The following OSGIN1 variants were observed in gnomAD, a reference collection of about 807,000 sequenced individuals.
OSGIN1 encodes oxidative stress-induced growth inhibitor 1.
A neutral mutation model predicts 20.1 loss-of-function variants in OSGIN1; 19 were observed. That is an observed-to-expected ratio of 0.95 (90% CI 0.66 to 1.39). OSGIN1 has a LOEUF of 1.39. Among genes scored for constraint, OSGIN1 ranks in the 40% most tolerant of loss-of-function variants. The probability of loss-of-function intolerance (pLI) is 0.00; values close to 1 mark genes in which losing one functional copy is unlikely to be tolerated. For missense variants in OSGIN1, 820 were observed against 653.0 expected (o/e 1.26, Z -2.79); for synonymous variants, 368 against 297.8 (o/e 1.24, Z -2.43).
chr16:83,956,062 C>T (rs763407144), intron 1 of OSGIN1, among the ~76,000 whole-genome samples: 10 of 152,218 alleles, frequency 6.6e-5, no homozygotes, highest in Non-Finnish European at 1.3e-4. Flanking sequence ...TGACAGGGCT[C>T]ACCTCTCAAG....
intron 1 of OSGIN1, 86 bp from the exon 2 acceptor site, chr16:83,957,554 G>A (rs1908990704): frequency 2.7e-6 from 2 of 734,026 alleles, no homozygotes; most frequent in African/African-American, 1.8e-5. Context: ...GCCACAGGAG[G>A]CCACCCTAGC....
chr16:83,963,478 C>T (rs2084239782), intron 5 of OSGIN1, among the ~76,000 whole-genome samples: 2 of 152,140 alleles, frequency 1.3e-5, no homozygotes, highest in African/African-American at 2.4e-5. Flanking sequence ...TGCCTCATGG[C>T]ACTGCCAAGG....
At chr16:83,958,733 C>T (rs981903539) in intron 2 of OSGIN1, among the ~76,000 whole-genome samples, 1 of 152,228 alleles carries the variant, frequency 6.6e-6, no homozygotes, top group Non-Finnish European at 1.5e-5. Context: ...GCAGACCCAA[C>T]AGGCGGCTCA....
chr16:83,959,199 C>T (rs1597178950), intron 2 of OSGIN1, 61 bp from the exon 3 acceptor site: 1 of 1,239,696 alleles, frequency 8.1e-7, no homozygotes, highest in East Asian at 2.3e-5. Flanking sequence ...TCAAAGCCCT[C>T]CACAGTAGTG....
rs778309063 is a variant in OSGIN1, at chr16:83,965,291, C to T, written c.718C>T (p.Arg240Cys). The T allele has an allele frequency of 8.7e-6, 14 of 1,600,850 alleles. No individual in the cohort carries two copies. Among genetic ancestry groups the T allele is most frequent in the South Asian group, 3.3e-5 (3 of 90,052 alleles). Residue 240 changes from arginine (R) to cysteine (C), a missense_variant, in exon 6 of 6, where the codon CGC becomes TGC. Arg to Cys is a radical substitution (Grantham distance 180). Transcript: ENST00000393306. ...QAQQPFSLWA[R>C]NVVLATGTFD... is the part of the protein sequence containing the mutation. ...CCAGCAGCCCTTCTCGCTGTGGGCC[C>T]GCAACGTGGTCCTCGCCACAGGCAC...
At chr16:83,964,999 T>TGCCCCCCCCC in intron 5 of OSGIN1, 63 bp from the exon 6 acceptor site, 6 of 645,888 alleles carry the variant, frequency 9.3e-6, no homozygotes, top group East Asian at 3.3e-5. Context: ...ACATCTCCCG[T>TGCCCCCCCCC]CCCACCCAGC....
At chr16:83,958,163 C>T (rs1051444624) in intron 2 of OSGIN1, among the ~76,000 whole-genome samples, 4 of 152,208 alleles carry the variant, frequency 2.6e-5, no homozygotes, top group African/African-American at 9.7e-5. Context: ...AGGTGTGAAC[C>T]ACCATGCCTG....
intron 3 of OSGIN1, among the ~76,000 whole-genome samples, chr16:83,959,953 C>A (rs1421052625): frequency 1.3e-5 from 2 of 152,180 alleles, no homozygotes; most frequent in African/African-American, 4.8e-5. Flanking sequence ...ATCCTCCCTC[C>A]GTACCCCTTG....
At position 83,955,630 on chromosome 16, in the gene OSGIN1, T is replaced by A. The variant is rs187578954; in HGVS notation, c.-32-2010T>A. ...TAACGTGTATTAAGTGTTGAGATCA[T>A]GCCTGGCACCCAGCCCACTCCACAG... On this transcript the variant is annotated intron_variant, in intron 1 of 5. Coordinates refer to ENST00000393306, the MANE Select transcript of OSGIN1 (RefSeq NM_182981.3). 2.3e-3 allele frequency among the ~76,000 whole-genome samples: 345 copies of A among 152,350 alleles called. 3 individuals carry two copies. Among genetic ancestry groups the A allele is most frequent in the African/African-American group, 8.1e-3 (338 of 41,578 alleles).
At chr16:83,960,476 G>T in intron 3 of OSGIN1, 93 bp from the exon 4 acceptor site, 2 of 981,036 alleles carry the variant, frequency 2.0e-6, no homozygotes, top group Non-Finnish European at 3.1e-6. Context: ...GAAATGGCCC[G>T]GCCCCAGTCC....
At chr16:83,957,310 G>C (rs1224302073) in intron 1 of OSGIN1, among the ~76,000 whole-genome samples, 3 of 152,132 alleles carry the variant, frequency 2.0e-5, no homozygotes, top group Non-Finnish European at 4.4e-5. Context: ...GGCCTCTCGG[G>C]AAGACAGATA....
rs144447660 is a variant in OSGIN1 at position 83,965,626 on chromosome 16, G to T, written c.1053G>T (p.Ser351=). 1 of 1,613,140 alleles carries T rather than the reference G, an allele frequency of 6.2e-7. No individual in the cohort carries two copies. Among genetic ancestry groups the T allele is most frequent in the African/African-American group, 1.3e-5 (1 of 75,038 alleles). ...HQMMREQSIL[S]PSPYEGYRSL... Reference sequence around the variant, plus strand: ...TGATGCGGGAGCAGTCCATCCTGTCGCCCAGCCCCTATGAGGGTTACCGCA... The same window carrying T: ...TGATGCGGGAGCAGTCCATCCTGTCTCCCAGCCCCTATGAGGGTTACCGCA... Residue 351 remains serine (S), a synonymous_variant, in exon 6 of 6, where the codon TCG becomes TCT. Coordinates refer to ENST00000393306, the MANE Select transcript of OSGIN1 (RefSeq NM_182981.3).
chr16:83,957,206 G>T, intron 1 of OSGIN1: 1 of 165,994 alleles, frequency 6.0e-6, no homozygotes, highest in Non-Finnish European at 1.3e-5. Flanking sequence ...AACGTGCCAG[G>T]GCTGGATGAC....
chr16:83,958,096 C>T (rs864810), intron 2 of OSGIN1, among the ~76,000 whole-genome samples: 10,339 of 152,200 alleles, frequency 0.068, 397 homozygotes, highest in South Asian at 0.13. Context: ...AGGCTGGTCT[C>T]GAACTCCTGA....
intron 1 of OSGIN1, among the ~76,000 whole-genome samples, chr16:83,956,515 G>A (rs1908938718): frequency 6.6e-6 from 1 of 152,136 alleles, no homozygotes; most frequent in Non-Finnish European, 1.5e-5. Flanking sequence ...GGATCTCGAG[G>A]GACAGGCCGA....
At chr16:83,962,992 C>T (rs577411568) in intron 5 of OSGIN1, among the ~76,000 whole-genome samples, 3 of 152,270 alleles carry the variant, frequency 2.0e-5, no homozygotes, top group South Asian at 2.1e-4. Flanking sequence ...CCCTGCTCCT[C>T]CTGGGGTGCA....
In OSGIN1 at chr16:83,965,115, A is replaced by G; in HGVS notation, c.542A>G (p.Asp181Gly). 3.1e-6 allele frequency: 5 copies of G among 1,612,926 alleles called. No individual in the cohort carries two copies. The highest frequency in any genetic ancestry group is 4.2e-6 in the Non-Finnish European group (5 of 1,179,764). ...TAGDIAHYYR[D>G]YVVKKGLGHN... is the part of the protein sequence containing the mutation. Reference sequence around the variant, plus strand: ...GGGGACATCGCCCACTACTACAGGGACTACGTGGTCAAGAAGGGTCTGGGG... The same window carrying G: ...GGGGACATCGCCCACTACTACAGGGGCTACGTGGTCAAGAAGGGTCTGGGG... The change falls in exon 6 of 6, where the codon GAC becomes GGC. Residue 181 changes from aspartate (D) to glycine (G), a missense_variant. Physicochemically the swap from Asp to Gly is moderately conservative, Grantham distance 94. Coordinates refer to ENST00000393306, the MANE Select transcript of OSGIN1 (RefSeq NM_182981.3).
At position 83,961,053 on chromosome 16, in the gene OSGIN1, T is replaced by C. The variant is rs781176682; in HGVS notation, c.469T>C (p.Trp157Arg). The part of the protein sequence containing the change: ...MGLPDLEVKD[W>R]MQKKRRGLRN... ...GCTCCCGGACCTGGAGGTCAAGGACTGGATGCAGAAGAAGCGAAGGTGAGG... is the reference window on the plus strand; with the variant it reads ...GCTCCCGGACCTGGAGGTCAAGGACCGGATGCAGAAGAAGCGAAGGTGAGG... The change falls in exon 5 of 6, where the codon TGG becomes CGG. Residue 157 changes from tryptophan (W) to arginine (R), a missense_variant. Physicochemically the swap from Trp to Arg is moderately radical, Grantham distance 101 (BLOSUM62 -3). Coordinates refer to ENST00000393306, the MANE Select transcript of OSGIN1 (RefSeq NM_182981.3). 2 of 1,613,454 alleles carry C rather than the reference T, an allele frequency of 1.2e-6. No homozygotes were observed. Among genetic ancestry groups the C allele is most frequent in the Non-Finnish European group, 1.7e-6 (2 of 1,179,942 alleles).
intron 1 of OSGIN1, among the ~76,000 whole-genome samples, chr16:83,955,897 A>C (rs1200126478): frequency 2.0e-5 from 3 of 152,154 alleles, no homozygotes; most frequent in Non-Finnish European, 4.4e-5. Flanking sequence ...TAGACAGGAC[A>C]CGGAGGCTGT....
Sources: gnomAD v4.1 joint callset for allele counts (sites outside exome capture counted in the v4.1 genomes callset) on GRCh38, gnomAD v4.1.1 for gene constraint, MANE v1.5 for transcripts, NCBI Gene and HGNC (gene_info 2026-07-23, HGNC 2026-07-21) for gene names.